IARS1: variants seen among roughly 807,000 people sequenced by gnomAD.
The protein encoded by IARS1 is isoleucyl-tRNA synthetase 1, also known as isoleucine--tRNA ligase, cytoplasmic.
A neutral mutation model predicts 168.2 loss-of-function variants in IARS1; 124 were observed. That is an observed-to-expected ratio of 0.74 (90% CI 0.64 to 0.86). The LOEUF is 0.86. Among genes scored for constraint, IARS1 ranks in the 40% least tolerant of loss-of-function variants. IARS1 has a pLI of 0.00. For synonymous variants in IARS1, 532 were observed against 529.4 expected (o/e 1.00, Z -0.07); for missense variants, 1,452 against 1,515.8 (o/e 0.96, Z 0.70).
chr9:92,215,239 CAGAA>C (rs1322827914), intron 33 of IARS1, among the ~76,000 whole-genome samples: 3 of 152,190 alleles, frequency 2.0e-5, no homozygotes, highest in African/African-American at 7.2e-5. Flanking sequence ...AACTAACAAA[CAGAA>C]AGGACATCCA....
intron 14 of IARS1, 122 bp downstream of exon 14, chr9:92,268,052 A>G: frequency 1.9e-6 from 2 of 1,071,784 alleles, no homozygotes; most frequent in Non-Finnish European, 2.6e-6. Flanking sequence ...AATAAAGAGG[A>G]AAAAAGATGA....
intron 19 of IARS1, among the ~76,000 whole-genome samples, chr9:92,258,279 T>C (rs1422637796): frequency 6.6e-6 from 1 of 152,184 alleles, no homozygotes; most frequent in East Asian, 1.9e-4. Context: ...TCACTCAACA[T>C]GGTGTTCCTG....
intron 1 of IARS1, among the ~76,000 whole-genome samples, chr9:92,291,137 C>A (rs1227609333): frequency 6.6e-6 from 1 of 151,920 alleles, no homozygotes; most frequent in Non-Finnish European, 1.5e-5. Flanking sequence ...TAGTGAGCCA[C>A]CCTTGAGACC....
chr9:92,293,455 C>A (rs1453991496), intron 1 of IARS1, 156 bp downstream of exon 1: 3 of 532,318 alleles, frequency 5.6e-6, no homozygotes, highest in Non-Finnish European at 1.2e-5. Context: ...TTCAAAAAGG[C>A]GACCATAAAT....
intron 30 of IARS1, among the ~76,000 whole-genome samples, chr9:92,229,355 C>G (rs1286680606): frequency 2.2e-5 from 2 of 92,446 alleles, no homozygotes; most frequent in Admixed American, 2.0e-4. Flanking sequence ...GCAATATATA[C>G]ACTACACACA....
chr9:92,259,503 C>G (rs991935891), intron 18 of IARS1, among the ~76,000 whole-genome samples: 1 of 152,192 alleles, frequency 6.6e-6, no homozygotes, highest in Non-Finnish European at 1.5e-5. Flanking sequence ...AAATGGGCAG[C>G]AGTGCCAAGG....
chr9:92,228,886 A>T, intron 31 of IARS1, 115 bp downstream of exon 31: 1 of 1,205,168 alleles, frequency 8.3e-7, no homozygotes, highest in Non-Finnish European at 1.2e-6. Context: ...TTGGGCCCTG[A>T]CTCAAGAGAG....
At chr9:92,218,124 G>A (rs1417721100) in intron 33 of IARS1, among the ~76,000 whole-genome samples, 15 of 152,030 alleles carry the variant, frequency 9.9e-5, no homozygotes, top group South Asian at 2.1e-4. Context: ...TTCAATATAC[G>A]CAAATCAGTA....
At chr9:92,216,343 A>G (rs1225090886) in intron 33 of IARS1, among the ~76,000 whole-genome samples, 3 of 151,660 alleles carry the variant, frequency 2.0e-5, no homozygotes, top group African/African-American at 7.3e-5. Flanking sequence ...GACCATCGAG[A>G]CTAGGAAGAA....
In IARS1 at chr9:92,256,140, T is replaced by C. The variant is rs150617000; in HGVS notation, c.2137+540A>G. 4.7e-3 allele frequency among the ~76,000 whole-genome samples: 706 copies of C among 151,748 alleles called. 11 individuals are homozygous for C. The highest frequency in any genetic ancestry group is 0.016 in the African/African-American group (663 of 41,382). Reference sequence around the variant, plus strand: ...AGCTCTAAAGCTCTTCTGTGGAGCATTGAGACCACGAGGACACCCCCTAAA... The same window carrying C: ...AGCTCTAAAGCTCTTCTGTGGAGCACTGAGACCACGAGGACACCCCCTAAA... On this transcript the variant is annotated intron_variant, in intron 20 of 33. Transcript: ENST00000443024.
At chr9:92,270,915 T>A (rs1478435842) in intron 12 of IARS1, 70 bp downstream of exon 12, 1 of 996,424 alleles carries the variant, frequency 1.0e-6, no homozygotes, top group Non-Finnish European at 1.5e-6. Flanking sequence ...TAAGATGGAA[T>A]GGGCACATAT....
At chr9:92,216,924 T>C (rs1463172279) in intron 33 of IARS1, among the ~76,000 whole-genome samples, 1 of 151,126 alleles carries the variant, frequency 6.6e-6, no homozygotes, top group Non-Finnish European at 1.5e-5. Context: ...CAAGCGGACC[T>C]AGTAGACATC....
chr9:92,256,591 C>A, intron 20 of IARS1, 89 bp downstream of exon 20: 1 of 1,248,186 alleles, frequency 8.0e-7, no homozygotes, highest in South Asian at 1.6e-5. Context: ...TTTTCTGTAT[C>A]TCTCAATATT....
chr9:92,251,732 G>T (rs1311236929), intron 22 of IARS1, 76 bp downstream of exon 22: 4 of 943,508 alleles, frequency 4.2e-6, no homozygotes, highest in South Asian at 1.4e-5. Flanking sequence ...GGATATAAAT[G>T]GAGGATGCTG....
chr9:92,259,113 G>A (rs1175068221), intron 18 of IARS1, 115 bp from the exon 19 acceptor site: 12 of 905,346 alleles, frequency 1.3e-5, no homozygotes, highest in South Asian at 3.7e-5. Flanking sequence ...ACAAAAGGGG[G>A]TAATTATGAA....
At position 92,280,727 on chromosome 9, in the gene IARS1, T is replaced by C. The variant is rs1834425047; in HGVS notation, c.745+19A>G. 1.9e-6 allele frequency: 3 copies of C among 1,567,526 alleles called. No individual in the cohort carries two copies. The highest frequency in any genetic ancestry group is 2.4e-5 in the South Asian group (2 of 84,142). ...TTATCTTATCCATATTAATCATAAG[T>C]AACCAGCCTCCCACTTACCTTTAAT... On this transcript the variant is annotated intron_variant, in intron 7 of 33. Transcript: ENST00000443024.
chr9:92,265,592 G>A, intron 14 of IARS1, 39 bp from the exon 15 acceptor site: 5 of 1,422,096 alleles, frequency 3.5e-6, no homozygotes, highest in Non-Finnish European at 5.0e-6. Flanking sequence ...GCTCCTTAGA[G>A]CCAAACAGAG....
At chr9:92,252,680 C>T (rs1830172308) in intron 21 of IARS1, among the ~76,000 whole-genome samples, 1 of 134,110 alleles carries the variant, frequency 7.5e-6, no homozygotes, top group South Asian at 2.5e-4. Flanking sequence ...GGGAGAACTG[C>T]TTGAACCTGG....
chr9:92,256,882 AC>A, intron 19 of IARS1, 82 bp from the exon 20 acceptor site: 1 of 1,331,128 alleles, frequency 7.5e-7, no homozygotes, highest in Non-Finnish European at 1.0e-6. Flanking sequence ...AATCACTTAA[AC>A]AAAAACAAAA....
Sources: allele counts gnomAD v4.1 joint callset (sites outside exome capture counted in the v4.1 genomes callset), GRCh38; gene constraint gnomAD v4.1.1; transcripts MANE v1.5; gene names NCBI Gene and HGNC (gene_info 2026-07-23, HGNC 2026-07-21).